Variants in PTPN13 observed in about 807,000 individuals in gnomAD.
PTPN13 encodes the protein protein tyrosine phosphatase non-receptor type 13.
PTPN13 carries 191 observed loss-of-function variants against 284.0 expected under a neutral mutation model. That is an observed-to-expected ratio of 0.67 (90% CI 0.60 to 0.76). The LOEUF (loss-of-function observed/expected upper bound fraction) is 0.76. Ranked by LOEUF, PTPN13 falls within the 30% of genes least tolerant of loss-of-function variation. PTPN13 has a pLI of 0.00. For missense variants in PTPN13, 2,797 were observed against 2,939.9 expected, an observed-to-expected ratio of 0.95 and a Z score of 1.12; for synonymous variants, 986 against 1,022.3, an observed-to-expected ratio of 0.96 and a Z score of 0.68.
At chr4:86,735,939 G>A (rs1021173931) in intron 15 of PTPN13, among the ~76,000 whole-genome samples, 193 bp downstream of exon 15, 6 of 152,142 alleles carry the variant, frequency 3.9e-5, no homozygotes, top group African/African-American at 1.4e-4. Context: ...AAGAGGAAAT[G>A]TAATGTTCCC....
chr4:86,715,403 G>A (rs115235226), intron 7 of PTPN13, among the ~76,000 whole-genome samples: 1,891 of 152,176 alleles, frequency 0.012, 21 homozygotes, highest in Middle Eastern at 0.02. Flanking sequence ...ATGAATCTGT[G>A]ACTTCAAAAT....
intron 2 of PTPN13, among the ~76,000 whole-genome samples, chr4:86,657,255 C>T (rs1379214328): frequency 2.6e-5 from 4 of 152,160 alleles, no homozygotes; most frequent in Non-Finnish European, 5.9e-5. Flanking sequence ...TCTGACAAGC[C>T]CCAGTGAGAT....
At chr4:86,667,405 GT>G (rs918004906) in intron 2 of PTPN13, among the ~76,000 whole-genome samples, 12 of 149,498 alleles carry the variant, frequency 8.0e-5, no homozygotes, top group Admixed American at 3.3e-4. Context: ...AGAGAAACAA[GT>G]TTTTTTTTTA....
Position 86,782,262 on chromosome 4 carries a change from G to A in PTPN13, c.6024G>A (p.Thr2008=), listed in dbSNP as rs765163950. The stretch of plus-strand genomic sequence containing the variant: ...TCACTCCTAATGATTCATTCTCCAC[G>A]GTAAGAAAAAGCCCACCCTCTTTCA... The part of the protein sequence containing the change: ...PALTPNDSFS[T]VAGEEINEIS... The change falls in exon 37 of 48, where the codon ACG becomes ACA. Residue 2008 remains threonine, a splice_region_variant and synonymous_variant. Transcript: ENST00000411767. The A allele has an allele frequency of 6.9e-6, 11 of 1,603,358 alleles. No homozygotes were observed. Among genetic ancestry groups the A allele is most frequent in the Admixed American group, 1.7e-5 (1 of 59,958 alleles).
At chr4:86,747,239 A>C (rs1736870830) in intron 17 of PTPN13, among the ~76,000 whole-genome samples, 1 of 152,250 alleles carries the variant, frequency 6.6e-6, no homozygotes, top group African/African-American at 2.4e-5. Context: ...GTGGCAAATT[A>C]GGCTCTGTCA....
intron 1 of PTPN13, among the ~76,000 whole-genome samples, chr4:86,608,560 C>T (rs372667831): frequency 9.2e-5 from 14 of 151,964 alleles, no homozygotes; most frequent in African/African-American, 3.4e-4. Flanking sequence ...TTTAATTCCT[C>T]AAAATAACTT....
chr4:86,644,970 G>A (rs900357159), intron 2 of PTPN13, among the ~76,000 whole-genome samples: 5 of 152,276 alleles, frequency 3.3e-5, no homozygotes, highest in East Asian at 1.9e-4. Context: ...CACTTTGGGA[G>A]GCTGAGGCAG....
chr4:86,722,139 T>C, intron 9 of PTPN13, 73 bp from the exon 10 acceptor site: 2 of 1,272,772 alleles, frequency 1.6e-6, no homozygotes, highest in Non-Finnish European at 2.2e-6. Context: ...TTACTTAAAA[T>C]GAAATTTGCT....
At chr4:86,731,158 C>T (rs1377481493) in intron 10 of PTPN13, among the ~76,000 whole-genome samples, 3 of 152,174 alleles carry the variant, frequency 2.0e-5, no homozygotes, top group Non-Finnish European at 2.9e-5. Context: ...ACTCTGGTAA[C>T]ATTCATTAGT....
At chr4:86,791,298 C>A (rs1435804429) in intron 40 of PTPN13, among the ~76,000 whole-genome samples, 3 of 152,172 alleles carry the variant, frequency 2.0e-5, no homozygotes, top group African/African-American at 7.2e-5. Context: ...TGGGGGGCAT[C>A]CACCATTGCT....
chr4:86,606,053 G>A (rs948453066), intron 1 of PTPN13, among the ~76,000 whole-genome samples: 2 of 151,920 alleles, frequency 1.3e-5, no homozygotes, highest in African/African-American at 2.4e-5. Context: ...CTGAGGCTGG[G>A]AGGATTGGGT....
chr4:86,711,851 T>C (rs1178777624), intron 7 of PTPN13, among the ~76,000 whole-genome samples: 3 of 152,200 alleles, frequency 2.0e-5, no homozygotes, highest in African/African-American at 7.2e-5. Context: ...AACATTGCAA[T>C]GAAGGTGGCT....
In PTPN13 at chr4:86,762,756, G is replaced by A; in HGVS notation, c.3583G>A (p.Glu1195Lys). 1 of 1,603,620 alleles carries A rather than the reference G, an allele frequency of 6.2e-7. No individual in the cohort carries two copies. The highest frequency in any genetic ancestry group is 8.5e-7 in the Non-Finnish European group (1 of 1,171,142). The change falls in exon 24 of 48, where the codon GAG becomes AAG. Residue 1195 changes from glutamate (E) to lysine (K), a missense_variant. Coordinates refer to ENST00000411767, the MANE Select transcript of PTPN13 (RefSeq NM_080683.3). ...TTCTACTCCTGTGCATCTCACCAAT[G>A]AGATGAAAAACTACATGAAGAAATC... is the stretch of plus-strand genomic sequence containing the variant. ...VPSTPVHLTN[E>K]MKNYMKKSSY...
chr4:86,768,057 A>T lies in PTPN13; in HGVS notation c.4489+81A>T. The T allele has an allele frequency of 2.4e-6, 3 of 1,272,614 alleles. No homozygotes were observed. In the South Asian group the frequency reaches 4.6e-5, roughly 19 times the overall value. The allele number at this position is 1,272,614 out of a possible 1,614,324, so 78.8% of individuals were successfully genotyped here. A position where few individuals can be genotyped will look rare whatever the true frequency, so the allele number is the denominator to read the frequency against. On this transcript the variant is annotated intron_variant, in intron 28 of 47. Coordinates refer to ENST00000411767, the MANE Select transcript of PTPN13 (RefSeq NM_080683.3). ...ATTTGATTTTTACATGTTGGATTAC[A>T]GTTAATGCCCTAGTTTTGTTCATTA...
chr4:86,688,526 G>T (rs1336286574), intron 4 of PTPN13, among the ~76,000 whole-genome samples: 4 of 151,392 alleles, frequency 2.6e-5, no homozygotes, highest in South Asian at 2.1e-4. Context: ...CCAACATAAT[G>T]ATAATTTATA....
At chr4:86,660,355 A>G (rs1726337673) in intron 2 of PTPN13, among the ~76,000 whole-genome samples, 1 of 152,194 alleles carries the variant, frequency 6.6e-6, no homozygotes, top group Admixed American at 6.5e-5. Flanking sequence ...TTAAAGCATA[A>G]GAAGAGAGCC....
chr4:86,793,465 G>C lies in PTPN13; in HGVS notation c.6346-3409G>C, dbSNP rs139266841. ...GTCAACAAGACAGAAGGTTAACAGG[G>C]ATATCCAGGACTTGAATTCACCTCT... On this transcript the variant is annotated intron_variant, in intron 40 of 47. Transcript: ENST00000411767. Among the ~76,000 whole-genome samples the C allele has an allele frequency of 1.4e-3, 215 of 152,206 alleles. 2 individuals carry two copies. The highest frequency in any genetic ancestry group is 4.9e-3 in the African/African-American group (204 of 41,526).
chr4:86,607,738 C>A (rs1764912614), intron 1 of PTPN13, among the ~76,000 whole-genome samples: 1 of 152,034 alleles, frequency 6.6e-6, no homozygotes. Context: ...AATTTGGCAT[C>A]TAAATTCATG....
At chr4:86,600,896 A>G (rs982457646) in intron 1 of PTPN13, among the ~76,000 whole-genome samples, 3 of 152,092 alleles carry the variant, frequency 2.0e-5, no homozygotes, top group Non-Finnish European at 4.4e-5. Context: ...TTAGTATTTT[A>G]GAACAGAAGT....
Sources: allele counts gnomAD v4.1 joint callset (sites outside exome capture counted in the v4.1 genomes callset), GRCh38; gene constraint gnomAD v4.1.1; transcripts MANE v1.5; gene names NCBI Gene and HGNC (gene_info 2026-07-23, HGNC 2026-07-21).